PFKP: variants seen among roughly 807,000 people sequenced by gnomAD.
PFKP encodes the protein phosphofructokinase, platelet.
PFKP carries 101 observed loss-of-function variants against 94.3 expected under a neutral mutation model. The ratio of observed to expected loss-of-function variants is 1.07; its 90% CI spans 0.91 to 1.26. The LOEUF is 1.26. PFKP is among the 50% of genes most tolerant of loss of function. The pLI, the probability that PFKP is intolerant of heterozygous loss-of-function variation, is 0.00. For synonymous variants in PFKP, 573 were observed against 432.6 expected, an observed-to-expected ratio of 1.32 and a Z score of -4.03; for missense variants, 1,145 against 1,103.3, an observed-to-expected ratio of 1.04 and a Z score of -0.53.
chr10:3,101,052 G>A lies in PFKP; in HGVS notation c.265-313G>A, dbSNP rs138903956. The stretch of plus-strand genomic sequence containing the variant: ...GTGCACCTGGTTGAGCTCGTTGGCC[G>A]GTGCTGAGGCGGCTGCTGTGACACC... On this transcript the variant is annotated intron_variant, in intron 3 of 21. Transcript: ENST00000381125. 1,739 of 1,422,342 alleles carry A rather than the reference G, an allele frequency of 1.2e-3. 2 individuals are homozygous for A. Among genetic ancestry groups the A allele is most frequent in the Non-Finnish European group, 1.5e-3 (1,562 of 1,009,568 alleles). The allele number at this position is 1,422,342 out of a possible 1,614,324, so 88.1% of individuals were successfully genotyped here. A position where few individuals can be genotyped will look rare whatever the true frequency, so the allele number is the denominator to read the frequency against.
intron 14 of PFKP, among the ~76,000 whole-genome samples, chr10:3,117,455 C>A (rs1836948728): frequency 6.6e-6 from 1 of 152,194 alleles, no homozygotes; most frequent in Non-Finnish European, 1.5e-5. Context: ...CTACACATTA[C>A]AATTTCACAT....
chr10:3,109,547 A>C, intron 10 of PFKP, 67 bp downstream of exon 10: 1 of 1,565,606 alleles, frequency 6.4e-7, no homozygotes, highest in African/African-American at 1.3e-5. Flanking sequence ...TTGTCAGGCC[A>C]GCCTGGGCAC....
intron 3 of PFKP, among the ~76,000 whole-genome samples, chr10:3,100,500 G>A (rs1834888839): frequency 6.6e-6 from 1 of 152,162 alleles, no homozygotes; most frequent in Non-Finnish European, 1.5e-5. Flanking sequence ...AATGAGCTGT[G>A]TGCGTGCACC....
rs577901748 is a variant in PFKP at position 3,129,920 on chromosome 10, G to A, written c.1785G>A (p.Gly595=). Residue 595 remains glycine (G), a synonymous_variant, in exon 17 of 22, where the codon GGG becomes GGA. Coordinates refer to ENST00000381125, the MANE Select transcript of PFKP (RefSeq NM_002627.5). ...GTGGCTACCTGGCCAACATGGGGGG[G>A]CTCGCGGCCGGAGCTGATGCCGCAT... is the stretch of plus-strand genomic sequence containing the variant. ...GYCGYLANMG[G]LAAGADAAYI... The A allele has an allele frequency of 1.1e-4, 176 of 1,611,748 alleles. 2 individuals are homozygous for A. The South Asian group carries it at 1.7e-3, about 15-fold the overall frequency.
chr10:3,130,123 C>T, intron 17 of PFKP, 140 bp downstream of exon 17: 1 of 736,580 alleles, frequency 1.4e-6, no homozygotes, highest in Non-Finnish European at 2.1e-6. Flanking sequence ...GCTTGATACA[C>T]TTCGCATCGC....
rs112835932 is a variant in PFKP at position 3,108,137 on chromosome 10, A to G, written c.871-564A>G. ...TTTTATTTCCCGCTTAACTGTAATTAAATTATAGGACAATGGACCGAGAAG... is the reference window on the plus strand; with the variant it reads ...TTTTATTTCCCGCTTAACTGTAATTGAATTATAGGACAATGGACCGAGAAG... On this transcript the variant is annotated intron_variant, in intron 8 of 21. Coordinates refer to ENST00000381125, the MANE Select transcript of PFKP (RefSeq NM_002627.5). The G allele has an allele frequency of 2.6e-3, 1,848 of 717,960 alleles. 35 individuals carry two copies. The African/African-American group carries it at 0.032, about 12-fold the overall frequency. 44.5% of individuals were successfully genotyped at this position (717,960 alleles called of 1,614,324 possible).
intron 2 of PFKP, among the ~76,000 whole-genome samples, chr10:3,098,032 C>CATAT (rs139465233): frequency 4.6e-5 from 7 of 151,916 alleles, no homozygotes; most frequent in African/African-American, 1.7e-4. Context: ...AATAAACACA[C>CATAT]ATATATATAT....
At chr10:3,068,599 C>A in intron 1 of PFKP, 1 of 892,978 alleles carries the variant, frequency 1.1e-6, no homozygotes, top group Non-Finnish European at 1.3e-6. Flanking sequence ...CGAGGCTGGG[C>A]CCACGGACGC....
chr10:3,100,799 T>G (rs1751611490), intron 3 of PFKP: 1 of 596,232 alleles, frequency 1.7e-6, no homozygotes, highest in Non-Finnish European at 3.0e-6. Flanking sequence ...CCTGGAAGTT[T>G]GGATGAAAGA....
intron 17 of PFKP, among the ~76,000 whole-genome samples, chr10:3,131,674 C>G (rs1017543253): frequency 3.3e-5 from 5 of 152,100 alleles, no homozygotes; most frequent in East Asian, 1.9e-4. Flanking sequence ...GGCCAGGCTG[C>G]TCTCAAACTC....
chr10:3,120,517 A>G (rs1017026605), intron 16 of PFKP, among the ~76,000 whole-genome samples: 3 of 152,110 alleles, frequency 2.0e-5, no homozygotes, highest in African/African-American at 7.2e-5. Context: ...TGAATGCACC[A>G]TTGCATTTGT....
intron 2 of PFKP, among the ~76,000 whole-genome samples, chr10:3,090,201 A>G (rs1026370413): frequency 2.0e-5 from 3 of 152,230 alleles, no homozygotes; most frequent in African/African-American, 7.2e-5. Context: ...AAGCCATTAG[A>G]AAACCTGCTT....
chr10:3,127,305 G>GC (rs908047221), intron 16 of PFKP, among the ~76,000 whole-genome samples: 1 of 152,260 alleles, frequency 6.6e-6, no homozygotes, highest in Non-Finnish European at 1.5e-5. Context: ...CTGTTCCACA[G>GC]CCCCCTGGGG....
chr10:3,068,677 C>G, intron 1 of PFKP: 6 of 985,100 alleles, frequency 6.1e-6, no homozygotes, highest in Non-Finnish European at 7.2e-6. Context: ...GCCCCAGGCC[C>G]CGGGTGCACG....
chr10:3,124,961 G>A lies in PFKP; in HGVS notation c.1684-4858G>A, dbSNP rs910367992. On this transcript the variant is annotated intron_variant, in intron 16 of 21. Transcript: ENST00000381125. ...CGCACGGCCTCCAGAGCCTCCCTCG[G>A]CCCCTTGACCCGCATGAACCGGCTT... is the stretch of plus-strand genomic sequence containing the variant. 151 of 623,936 alleles carry A rather than the reference G, an allele frequency of 2.4e-4. 1 individual carries two copies. Among genetic ancestry groups the A allele is most frequent in the Non-Finnish European group, 2.8e-4 (133 of 470,678 alleles). The allele number at this position is 623,936 out of a possible 1,614,324, so 38.6% of individuals were successfully genotyped here.
intron 1 of PFKP, among the ~76,000 whole-genome samples, chr10:3,072,480 C>T (rs1387438670): frequency 5.3e-5 from 8 of 152,098 alleles, no homozygotes; most frequent in Non-Finnish European, 1.0e-4. Flanking sequence ...GGGATCTTTT[C>T]AGTGTAAAGT....
chr10:3,120,896 T>C (rs1038355824), intron 16 of PFKP, among the ~76,000 whole-genome samples: 4 of 152,178 alleles, frequency 2.6e-5, no homozygotes, highest in Non-Finnish European at 4.4e-5. Context: ...TGAAGATCCG[T>C]ACCTAACACA....
chr10:3,072,153 C>T (rs150712830), intron 1 of PFKP, among the ~76,000 whole-genome samples: 2 of 152,236 alleles, frequency 1.3e-5, no homozygotes, highest in African/African-American at 2.4e-5. Context: ...CCATGAAGTC[C>T]TTTAGAGGAA....
intron 18 of PFKP, among the ~76,000 whole-genome samples, chr10:3,132,725 C>A (rs1564358269): frequency 6.7e-6 from 1 of 149,590 alleles, no homozygotes; most frequent in South Asian, 2.1e-4. Flanking sequence ...ATACAGTCAT[C>A]CCTCTTAGCC....
Sources: allele counts gnomAD v4.1 joint callset (sites outside exome capture counted in the v4.1 genomes callset), GRCh38; gene constraint gnomAD v4.1.1; transcripts MANE v1.5; gene names NCBI Gene and HGNC (gene_info 2026-07-23, HGNC 2026-07-21).